Variants in CPPED1 observed in about 807,000 individuals in gnomAD.
CPPED1 encodes calcineurin like phosphoesterase domain containing 1.
CPPED1 carries 28 observed loss-of-function variants against 28.0 expected under a neutral mutation model. The ratio of observed to expected loss-of-function variants is 1.00; its 90% CI spans 0.74 to 1.37. The LOEUF (loss-of-function observed/expected upper bound fraction) is 1.37, where lower values mean the gene tolerates loss of function less well. Among genes scored for constraint, CPPED1 ranks in the 40% most tolerant of loss-of-function variants. The probability of loss-of-function intolerance (pLI) is 0.00; values close to 1 mark genes in which losing one functional copy is unlikely to be tolerated. For missense variants in CPPED1, 504 were observed against 416.5 expected (o/e 1.21, Z -1.83); for synonymous variants, 198 against 180.2 (o/e 1.10, Z -0.79).
intron 2 of CPPED1, among the ~76,000 whole-genome samples, chr16:12,770,602 C>T (rs1032396681): frequency 3.3e-5 from 5 of 152,094 alleles, no homozygotes; most frequent in African/African-American, 9.7e-5. Context: ...ATGGGTGGAT[C>T]ACCTGAGGTC....
chr16:12,798,991 C>T (rs1375238947), intron 1 of CPPED1, among the ~76,000 whole-genome samples: 1 of 152,134 alleles, frequency 6.6e-6, no homozygotes, highest in Non-Finnish European at 1.5e-5. Context: ...AACCAAGTGT[C>T]ACACATACCA....
chr16:12,703,661 A>G lies in CPPED1; in HGVS notation c.715+963T>C, dbSNP rs563333901. 1.9e-3 allele frequency among the ~76,000 whole-genome samples: 284 copies of G among 148,544 alleles called. 1 individual carries two copies. The highest frequency in any genetic ancestry group is 3.3e-3 in the Admixed American group (49 of 14,660). On this transcript the variant is annotated intron_variant, in intron 3 of 3. Coordinates refer to ENST00000381774, the MANE Select transcript of CPPED1 (RefSeq NM_018340.3). ...TTTGCCACTGCACTCCAGCCTGGGC[A>G]ACAGAACAAGACTTTGTCTCAAAAA...
rs1174704669 is a variant in CPPED1 at position 12,682,214 on chromosome 16, T to C, written c.716-17099A>G. Among the ~76,000 whole-genome samples, 3 of 152,100 alleles carry C rather than the reference T, an allele frequency of 2.0e-5. No homozygotes were observed. The highest frequency in any genetic ancestry group is 4.4e-5 in the Non-Finnish European group (3 of 68,028). On this transcript the variant is annotated intron_variant, in intron 3 of 3. Transcript: ENST00000381774. The surrounding 1 kb of genome is among the most constrained non-coding windows in gnomAD (Gnocchi z 6.1). ...CATGCCCAGCTAATTTTTGTGTCTTTAGTAGAGACAGGATTTTACGATGTT... is the reference window on the plus strand; with the variant it reads ...CATGCCCAGCTAATTTTTGTGTCTTCAGTAGAGACAGGATTTTACGATGTT...
intron 2 of CPPED1, among the ~76,000 whole-genome samples, chr16:12,744,297 AAAGCAAGCAAGC>A (rs1167597052): frequency 3.6e-4 from 47 of 130,270 alleles, no homozygotes; most frequent in Admixed American, 9.6e-4. Flanking sequence ...AGAGAGAGAG[AAAGCAAGCAAGC>A]AAGCAAGCAA....
intron 2 of CPPED1, among the ~76,000 whole-genome samples, chr16:12,731,736 T>C (rs912486435): frequency 1.3e-5 from 2 of 151,110 alleles, no homozygotes; most frequent in Non-Finnish European, 3.0e-5. Context: ...TTTTTTTTTT[T>C]AAATTGCACT....
chr16:12,677,056 A>G (rs2079881388), intron 3 of CPPED1, among the ~76,000 whole-genome samples: 1 of 152,214 alleles, frequency 6.6e-6, no homozygotes, highest in Admixed American at 6.5e-5. Context: ...GCGAGTGAAG[A>G]GAGTCAAGTG....
At chr16:12,747,149 G>T (rs1263677368) in intron 2 of CPPED1, among the ~76,000 whole-genome samples, 1 of 151,562 alleles carries the variant, frequency 6.6e-6, no homozygotes, top group Non-Finnish European at 1.5e-5. Context: ...TATCAATAAG[G>T]CCGGGCATGG....
At chr16:12,787,566 C>A (rs982810731) in intron 1 of CPPED1, among the ~76,000 whole-genome samples, 1 of 152,020 alleles carries the variant, frequency 6.6e-6, no homozygotes, top group Non-Finnish European at 1.5e-5. Context: ...GCCACCACAC[C>A]TGGCTCATTT....
chr16:12,710,668 T>C (rs1200021873), intron 2 of CPPED1, among the ~76,000 whole-genome samples: 3 of 152,096 alleles, frequency 2.0e-5, no homozygotes, highest in Non-Finnish European at 4.4e-5. Flanking sequence ...AACTCAAAAG[T>C]TGGCAAAGGA....
intron 2 of CPPED1, among the ~76,000 whole-genome samples, chr16:12,732,499 G>C (rs2080204444): frequency 6.7e-6 from 1 of 148,788 alleles, no homozygotes; most frequent in South Asian, 2.1e-4. Context: ...CAGATGGAGA[G>C]AGAGAGAGAG....
intron 2 of CPPED1, among the ~76,000 whole-genome samples, chr16:12,733,148 A>T (rs1305404987): frequency 6.6e-6 from 1 of 152,262 alleles, no homozygotes. Flanking sequence ...TAAAACCACA[A>T]CAAATAAAGC....
intron 2 of CPPED1, among the ~76,000 whole-genome samples, chr16:12,739,384 AG>A (rs2141210015): frequency 6.6e-6 from 1 of 152,296 alleles, no homozygotes; most frequent in East Asian, 1.9e-4. Context: ...GTTCAAGACC[AG>A]GTTGGCCAAC....
chr16:12,795,327 G>T (rs2080621031), intron 1 of CPPED1, among the ~76,000 whole-genome samples: 1 of 151,926 alleles, frequency 6.6e-6, no homozygotes, highest in Non-Finnish European at 1.5e-5. Flanking sequence ...ACAGTGCACA[G>T]CCACCTGGTG....
rs566941800 is a variant in CPPED1, at chr16:12,800,310, T to C, written c.70+3397A>G. 9.9e-5 allele frequency among the ~76,000 whole-genome samples: 15 copies of C among 152,040 alleles called. No individual in the cohort carries two copies. The South Asian group carries it at 1.7e-3, about 17-fold the overall frequency. ...AAAAATTAGCGGGCATGGTGGTACA[T>C]GCCTGTAATCCCAGCTACTCGGGAG... On this transcript the variant is annotated intron_variant, in intron 1 of 3. Coordinates refer to ENST00000381774, the MANE Select transcript of CPPED1 (RefSeq NM_018340.3).
At chr16:12,773,299 C>G (rs1214676148) in intron 2 of CPPED1, among the ~76,000 whole-genome samples, 1 of 152,186 alleles carries the variant, frequency 6.6e-6, no homozygotes, top group Non-Finnish European at 1.5e-5. Flanking sequence ...AAACTTAAAG[C>G]ATTTCCCTTT....
chr16:12,698,104 T>C (rs7194156), intron 3 of CPPED1, among the ~76,000 whole-genome samples: 117,011 of 152,004 alleles, frequency 0.77, 45,186 homozygotes, highest in Admixed American at 0.84. Context: ...AGTGAGACTC[T>C]GACCCCAACC....
intron 3 of CPPED1, among the ~76,000 whole-genome samples, chr16:12,675,328 A>C (rs1383262334): frequency 6.6e-6 from 1 of 152,226 alleles, no homozygotes; most frequent in Non-Finnish European, 1.5e-5. Context: ...AGGAGATGAC[A>C]GGCATCTTTT....
intron 1 of CPPED1, among the ~76,000 whole-genome samples, chr16:12,797,907 T>C (rs536289590): frequency 4.0e-5 from 6 of 151,562 alleles, no homozygotes; most frequent in African/African-American, 1.5e-4. Flanking sequence ...CAGTAAGACC[T>C]TGTCTCTACA....
At chr16:12,696,950 C>T (rs569146883) in intron 3 of CPPED1, among the ~76,000 whole-genome samples, 1 of 152,238 alleles carries the variant, frequency 6.6e-6, no homozygotes, top group Non-Finnish European at 1.5e-5. Context: ...ACGCTAATTC[C>T]CCCTGTACAA....
Sources: allele counts gnomAD v4.1 joint callset (sites outside exome capture counted in the v4.1 genomes callset), GRCh38; gene constraint gnomAD v4.1.1; non-coding constraint Gnocchi (gnomAD v3.1); transcripts MANE v1.5; gene names NCBI Gene and HGNC (gene_info 2026-07-23, HGNC 2026-07-21).